Variants in SPIRE2 observed in about 807,000 individuals in gnomAD.
SPIRE2 encodes the protein protein spire homolog 2.
In SPIRE2, 76 loss-of-function variants were observed where a neutral mutation model predicts 80.7. That is an observed-to-expected ratio of 0.94 (90% CI 0.78 to 1.14). The LOEUF (loss-of-function observed/expected upper bound fraction) is 1.14. Among genes scored for constraint, SPIRE2 ranks in the 50% most tolerant of loss-of-function variants. The probability of loss-of-function intolerance (pLI) is 0.00; values close to 1 mark genes in which losing one functional copy is unlikely to be tolerated. For missense variants in SPIRE2, 1,196 were observed against 1,015.3 expected, an observed-to-expected ratio of 1.18 and a Z score of -2.42; for synonymous variants, 535 against 432.6, an observed-to-expected ratio of 1.24 and a Z score of -2.94.
intron 2 of SPIRE2, chr16:89,846,063 A>G (rs1056134662): frequency 7.9e-5 from 13 of 164,144 alleles, no homozygotes; most frequent in Non-Finnish European, 1.6e-4. Flanking sequence ...CGCCCGGCTA[A>G]TTTTTTTCTA....
chr16:89,865,964 T>TTA (rs2041785605), intron 12 of SPIRE2, among the ~76,000 whole-genome samples: 3 of 36,040 alleles, frequency 8.3e-5, no homozygotes, highest in African/African-American at 4.6e-4. Flanking sequence ...GGAGACTGTC[T>TTA]CAAAAAAAAA....
chr16:89,869,053 A>AATATATATATATATATATATATAT (rs1555601129), intron 13 of SPIRE2, among the ~76,000 whole-genome samples: 5 of 24,010 alleles, frequency 2.1e-4, no homozygotes, highest in African/African-American at 6.6e-4. Flanking sequence ...AAAAAAAAAA[A>AATATATATATATATATATATATAT]ATATATATAT....
intron 1 of SPIRE2, among the ~76,000 whole-genome samples, chr16:89,830,773 A>T (rs550597624): frequency 6.6e-5 from 10 of 151,288 alleles, no homozygotes; most frequent in Admixed American, 2.0e-4. Flanking sequence ...AAACTAGACC[A>T]TACTTAGGAG....
chr16:89,869,452 A>C, intron 13 of SPIRE2, 115 bp from the exon 14 acceptor site: 1 of 685,704 alleles, frequency 1.5e-6, no homozygotes, highest in Admixed American at 2.2e-5. Flanking sequence ...AATATTCTCC[A>C]GGAAGCCCTG....
At chr16:89,845,394 T>A in intron 2 of SPIRE2, 29 bp downstream of exon 2, 1 of 1,581,250 alleles carries the variant, frequency 6.3e-7, no homozygotes, top group Non-Finnish European at 8.7e-7. Context: ...CAAGTATTAC[T>A]TGATGTGTGT....
chr16:89,867,189 G>C (rs2041797089), intron 12 of SPIRE2, among the ~76,000 whole-genome samples: 1 of 151,902 alleles, frequency 6.6e-6, no homozygotes, highest in African/African-American at 2.4e-5. Context: ...CTGTCACCCA[G>C]GCTGCGGTGC....
intron 7 of SPIRE2, among the ~76,000 whole-genome samples, chr16:89,856,601 C>A (rs1460788814): frequency 7.0e-6 from 1 of 141,858 alleles, no homozygotes; most frequent in Admixed American, 7.3e-5. Context: ...CGTGCCACCA[C>A]GCCTGGCTAA....
chr16:89,859,022 C>T (rs2041718362), intron 8 of SPIRE2, 143 bp from the exon 9 acceptor site: 7 of 697,982 alleles, frequency 1.0e-5, no homozygotes, highest in Non-Finnish European at 1.4e-5. Context: ...TGTCCAGAGG[C>T]GGGCAGGCTG....
intron 10 of SPIRE2, among the ~76,000 whole-genome samples, chr16:89,861,188 C>T (rs970216221): frequency 6.6e-6 from 1 of 152,198 alleles, no homozygotes; most frequent in African/African-American, 2.4e-5. Flanking sequence ...CCTCTGCCCT[C>T]GGTTTCTTAT....
intron 12 of SPIRE2, among the ~76,000 whole-genome samples, chr16:89,864,381 C>G (rs2041771073): frequency 6.6e-6 from 1 of 152,192 alleles, no homozygotes; most frequent in Admixed American, 6.5e-5. Context: ...TGACTGAAGG[C>G]TGCAGAACAT....
intron 1 of SPIRE2, among the ~76,000 whole-genome samples, chr16:89,832,424 AAAGC>A (rs2041394895): frequency 6.6e-6 from 1 of 152,180 alleles, no homozygotes; most frequent in Non-Finnish European, 1.5e-5. Flanking sequence ...GTGCTGGAGA[AAAGC>A]AAGAACTGAT....
intron 3 of SPIRE2, among the ~76,000 whole-genome samples, chr16:89,852,028 C>A (rs1452306579): frequency 6.9e-6 from 1 of 144,612 alleles, no homozygotes; most frequent in African/African-American, 2.6e-5. Context: ...CCCCACCCCC[C>A]AGATCCCCTG....
intron 1 of SPIRE2, among the ~76,000 whole-genome samples, chr16:89,834,934 G>A (rs2041430493): frequency 6.8e-6 from 1 of 148,022 alleles, no homozygotes; most frequent in Non-Finnish European, 1.5e-5. Context: ...GTGAATCTGT[G>A]AACCTGCCCG....
chr16:89,861,510 G>A (rs1412788658), intron 10 of SPIRE2, among the ~76,000 whole-genome samples: 3 of 152,168 alleles, frequency 2.0e-5, no homozygotes, highest in Non-Finnish European at 2.9e-5. Context: ...GTATCCCACC[G>A]AAGGCAGGGC....
At chr16:89,842,916 C>A (rs570271329) in intron 1 of SPIRE2, among the ~76,000 whole-genome samples, 1 of 152,348 alleles carries the variant, frequency 6.6e-6, no homozygotes, top group Non-Finnish European at 1.5e-5. Flanking sequence ...AGCAGGCTCC[C>A]TTTATCTTTG....
intron 1 of SPIRE2, among the ~76,000 whole-genome samples, chr16:89,831,974 C>T (rs1414594406): frequency 6.6e-6 from 1 of 152,240 alleles, no homozygotes; most frequent in Non-Finnish European, 1.5e-5. Context: ...GCACGGGGCA[C>T]CGTGTCCACG....
intron 10 of SPIRE2, chr16:89,862,459 C>G (rs2041753450): frequency 6.6e-6 from 1 of 152,316 alleles, no homozygotes; most frequent in African/African-American, 2.4e-5. Context: ...GGCTACTGAG[C>G]ACCACAGAAC....
chr16:89,853,003 T>A (rs536700171), intron 3 of SPIRE2, among the ~76,000 whole-genome samples: 1 of 149,110 alleles, frequency 6.7e-6, no homozygotes, highest in African/African-American at 2.5e-5. Flanking sequence ...CCATCCTCCC[T>A]CTCACCCTCA....
chr16:89,849,731 T>C, intron 2 of SPIRE2: 1 of 237,756 alleles, frequency 4.2e-6, no homozygotes, highest in Non-Finnish European at 8.4e-6. Context: ...CTGGTGCCCT[T>C]CGTGGTAGAT....
Sources: gnomAD v4.1 joint callset for allele counts (sites outside exome capture counted in the v4.1 genomes callset) on GRCh38, gnomAD v4.1.1 for gene constraint, MANE v1.5 for transcripts, NCBI Gene and HGNC (gene_info 2026-07-23, HGNC 2026-07-21) for gene names.